The following RBMS3 variants were observed in gnomAD, a reference collection of about 807,000 sequenced individuals.
RBMS3 encodes RNA-binding motif, single-stranded-interacting protein 3.
RBMS3 carries 27 observed loss-of-function variants against 66.8 expected under a neutral mutation model. The ratio of observed to expected loss-of-function variants is 0.40; its 90% CI spans 0.30 to 0.56. RBMS3 has a LOEUF of 0.56. Among genes scored for constraint, RBMS3 ranks in the 20% least tolerant of loss-of-function variants. The pLI is 0.40. For missense variants in RBMS3, 513 were observed against 549.5 expected, an observed-to-expected ratio of 0.93 and a Z score of 0.66; for synonymous variants, 188 against 183.0, an observed-to-expected ratio of 1.03 and a Z score of -0.22.
At chr3:29,936,979 C>A (rs1376286373) in intron 11 of RBMS3, among the ~76,000 whole-genome samples, 3 of 152,030 alleles carry the variant, frequency 2.0e-5, no homozygotes, top group South Asian at 2.1e-4. Flanking sequence ...TGAAACCTAA[C>A]CACTCATGTG....
intron 4 of RBMS3, among the ~76,000 whole-genome samples, chr3:29,705,156 C>T (rs1158509312): frequency 2.0e-5 from 3 of 152,178 alleles, no homozygotes; most frequent in Admixed American, 6.5e-5. Flanking sequence ...CCTTACCAAC[C>T]ATTACGGCCA....
At chr3:29,659,245 C>A (rs1402227442) in intron 4 of RBMS3, among the ~76,000 whole-genome samples, 2 of 151,998 alleles carry the variant, frequency 1.3e-5, no homozygotes, top group Non-Finnish European at 2.9e-5. Context: ...ATAAAATGTA[C>A]CATCTTAACC....
intron 4 of RBMS3, 119 bp downstream of exon 4, chr3:29,587,324 A>C (rs903766466): frequency 4.6e-5 from 27 of 586,910 alleles, no homozygotes; most frequent in Non-Finnish European, 6.6e-5. Flanking sequence ...GAGAGATTAA[A>C]TATTTCTCCT....
intron 1 of RBMS3, among the ~76,000 whole-genome samples, chr3:29,297,904 A>G (rs1340547038): frequency 1.3e-5 from 2 of 151,880 alleles, no homozygotes; most frequent in East Asian, 3.9e-4. Context: ...ATTGGGTTTT[A>G]ACTAGATAAT....
chr3:29,641,910 G>A (rs1301117381), intron 4 of RBMS3, among the ~76,000 whole-genome samples: 2 of 152,004 alleles, frequency 1.3e-5, no homozygotes, highest in Non-Finnish European at 2.9e-5. Flanking sequence ...AACATCTGAA[G>A]CCAAGGGATT....
At chr3:29,399,240 T>C (rs1385820430) in intron 1 of RBMS3, among the ~76,000 whole-genome samples, 1 of 151,938 alleles carries the variant, frequency 6.6e-6, no homozygotes, top group African/African-American at 2.4e-5. Flanking sequence ...TATAAGCAAA[T>C]ATGCATACAT....
chr3:29,499,769 A>T (rs2043895032), intron 3 of RBMS3, among the ~76,000 whole-genome samples: 1 of 152,202 alleles, frequency 6.6e-6, no homozygotes, highest in Non-Finnish European at 1.5e-5. Context: ...ATTTCTTTCG[A>T]TAAACAATAG....
In RBMS3 at chr3:29,552,262, A is replaced by G. The variant is rs543092373; in HGVS notation, c.308-34852A>G. Among the ~76,000 whole-genome samples the G allele has an allele frequency of 3.4e-4, 52 of 152,328 alleles. 1 individual carries two copies. In the South Asian group the frequency reaches 4.1e-3, roughly 12 times the overall value. ...GGACTATGTTATCTTGATGTTTCAC[A>G]TTCCTGCCTCTTTGGGAAGTTGTAG... On this transcript the variant is annotated intron_variant, in intron 3 of 14. Coordinates refer to ENST00000383767, the MANE Select transcript of RBMS3 (RefSeq NM_001003793.3).
At chr3:29,904,234 A>G (rs2060322156) in intron 10 of RBMS3, among the ~76,000 whole-genome samples, 1 of 152,038 alleles carries the variant, frequency 6.6e-6, no homozygotes, top group Non-Finnish European at 1.5e-5. Flanking sequence ...AAAGAAGTGT[A>G]TAGAGTATAA....
At chr3:29,575,010 C>G (rs1446103811) in intron 3 of RBMS3, among the ~76,000 whole-genome samples, 1 of 152,124 alleles carries the variant, frequency 6.6e-6, no homozygotes, top group South Asian at 2.1e-4. Context: ...AGTCTTTCCA[C>G]TTAAGAGTAG....
chr3:29,567,450 G>C (rs2046783274), intron 3 of RBMS3, among the ~76,000 whole-genome samples: 1 of 152,100 alleles, frequency 6.6e-6, no homozygotes, highest in South Asian at 2.1e-4. Context: ...GATGGTTTCT[G>C]TGTTCTCCAG....
intron 6 of RBMS3, among the ~76,000 whole-genome samples, chr3:29,833,349 C>A (rs1333954845): frequency 1.3e-5 from 2 of 152,008 alleles, no homozygotes; most frequent in African/African-American, 2.4e-5. Context: ...AATTGCCTGG[C>A]AAATTGCCTT....
intron 4 of RBMS3, among the ~76,000 whole-genome samples, chr3:29,672,434 C>T (rs2051045175): frequency 6.6e-6 from 1 of 152,126 alleles, no homozygotes; most frequent in Non-Finnish European, 1.5e-5. Flanking sequence ...TCACACATAA[C>T]AATATTAACC....
chr3:29,371,429 A>C (rs1284240720), intron 1 of RBMS3, among the ~76,000 whole-genome samples: 1 of 152,220 alleles, frequency 6.6e-6, no homozygotes, highest in Non-Finnish European at 1.5e-5. Context: ...TGGGATTTAA[A>C]TATCTAGCTG....
At chr3:29,973,930 ACTTAGATTC>A (rs1371209501) in intron 12 of RBMS3, among the ~76,000 whole-genome samples, 2 of 151,668 alleles carry the variant, frequency 1.3e-5, no homozygotes, top group Non-Finnish European at 3.0e-5. Flanking sequence ...TCCATCTCTA[ACTTAGATTC>A]CATAGTAAAA....
intron 4 of RBMS3, among the ~76,000 whole-genome samples, chr3:29,671,893 GC>G (rs1487535722): frequency 1.3e-5 from 2 of 152,140 alleles, no homozygotes; most frequent in Non-Finnish European, 2.9e-5. Flanking sequence ...CCCCAACCTA[GC>G]AAGGCAGGCC....
chr3:29,338,968 G>A (rs944271742), intron 1 of RBMS3, among the ~76,000 whole-genome samples: 2 of 152,080 alleles, frequency 1.3e-5, no homozygotes, highest in Non-Finnish European at 2.9e-5. Context: ...TGCTTCACCT[G>A]TTAGTCTCTG....
At chr3:29,358,863 G>A (rs1229445416) in intron 1 of RBMS3, among the ~76,000 whole-genome samples, 3 of 152,028 alleles carry the variant, frequency 2.0e-5, no homozygotes, top group Non-Finnish European at 2.9e-5. Context: ...CTATTGGTGT[G>A]TAAGAATGCT....
At chr3:29,441,093 G>A (rs1006486684) in intron 2 of RBMS3, among the ~76,000 whole-genome samples, 3 of 152,206 alleles carry the variant, frequency 2.0e-5, no homozygotes, top group South Asian at 4.1e-4. Context: ...CTCAAATTAC[G>A]CAGCTGCTTT....
Sources: allele counts gnomAD v4.1 joint callset (sites outside exome capture counted in the v4.1 genomes callset), GRCh38; gene constraint gnomAD v4.1.1; transcripts MANE v1.5; gene names NCBI Gene and HGNC (gene_info 2026-07-23, HGNC 2026-07-21).